Variants in SASS6 observed in about 807,000 individuals in gnomAD.
The protein encoded by SASS6 is spindle assembly abnormal protein 6 homolog.
A neutral mutation model predicts 94.9 loss-of-function variants in SASS6; 59 were observed. The observed-to-expected ratio is 0.62, with a 90% CI of 0.50 to 0.77. The LOEUF is 0.77. SASS6 is among the 30% of genes least tolerant of loss of function. SASS6 has a pLI of 0.00. For missense variants in SASS6, 698 were observed against 734.1 expected (o/e 0.95, Z 0.57); for synonymous variants, 264 against 270.0 (o/e 0.98, Z 0.22).
intron 1 of SASS6, among the ~76,000 whole-genome samples, chr1:100,129,443 T>C (rs1654851758): frequency 6.6e-6 from 1 of 152,172 alleles, no homozygotes; most frequent in Non-Finnish European, 1.5e-5. Context: ...ATATATCATC[T>C]TATTTAACAA....
At chr1:100,131,932 G>T (rs1434683962) in intron 1 of SASS6, among the ~76,000 whole-genome samples, 2 of 152,032 alleles carry the variant, frequency 1.3e-5, no homozygotes, top group Non-Finnish European at 2.9e-5. Flanking sequence ...TACAAATGAG[G>T]AAAGAACGTT....
intron 1 of SASS6, among the ~76,000 whole-genome samples, chr1:100,128,762 T>C (rs935557288): frequency 7.9e-5 from 12 of 152,244 alleles, no homozygotes; most frequent in African/African-American, 2.9e-4. Context: ...ACTAATGACA[T>C]TAGATTTAGT....
chr1:100,127,061 T>C (rs1423991835), intron 1 of SASS6, among the ~76,000 whole-genome samples: 1 of 152,132 alleles, frequency 6.6e-6, no homozygotes, highest in Non-Finnish European at 1.5e-5. Flanking sequence ...GAATCCAGAA[T>C]TGGACAGAGG....
At chr1:100,087,537 T>C (rs936157878) in intron 15 of SASS6, among the ~76,000 whole-genome samples, 1 of 152,138 alleles carries the variant, frequency 6.6e-6, no homozygotes, top group Admixed American at 6.6e-5. Context: ...AGTGGTTTGA[T>C]TTAACCACAA....
chr1:100,090,125 T>C, intron 14 of SASS6, among the ~76,000 whole-genome samples: 1 of 150,354 alleles, frequency 6.7e-6, no homozygotes, highest in East Asian at 2.0e-4. Context: ...AAAAATGAAA[T>C]AAAATGCACA....
chr1:100,112,709 T>A (rs566414172), intron 7 of SASS6, among the ~76,000 whole-genome samples: 1 of 152,332 alleles, frequency 6.6e-6, no homozygotes, highest in Admixed American at 6.5e-5. Flanking sequence ...GATTTCTATA[T>A]AGTCACAAAA....
chr1:100,097,008 G>T (rs996696734), intron 14 of SASS6, among the ~76,000 whole-genome samples: 1 of 152,092 alleles, frequency 6.6e-6, no homozygotes, highest in Non-Finnish European at 1.5e-5. Flanking sequence ...CCAGCTACTC[G>T]GGAGGCTGAG....
chr1:100,094,015 A>T (rs1004761913), intron 14 of SASS6, among the ~76,000 whole-genome samples: 1 of 152,188 alleles, frequency 6.6e-6, no homozygotes, highest in African/African-American at 2.4e-5. Flanking sequence ...TTGAAAAACC[A>T]ATGAAACCAT....
At chr1:100,085,853 G>C (rs1039334496) in intron 15 of SASS6, among the ~76,000 whole-genome samples, 1 of 152,046 alleles carries the variant, frequency 6.6e-6, no homozygotes, top group African/African-American at 2.4e-5. Flanking sequence ...TTTAAGAGCT[G>C]GGATAAGGAT....
At position 100,084,860 on chromosome 1, in the gene SASS6, T is replaced by C. The variant is rs754828030; in HGVS notation, c.*468A>G. The C allele has an allele frequency of 2.0e-5, 3 of 152,812 alleles. No homozygotes were observed. The highest frequency in any genetic ancestry group is 6.5e-5 in the Admixed American group (1 of 15,344). The allele number at this position is 152,812 out of a possible 1,614,324, so 9.5% of individuals were successfully genotyped here. A position where few individuals can be genotyped will look rare whatever the true frequency, so the allele number is the denominator to read the frequency against. On this transcript the variant is annotated 3_prime_UTR_variant, in exon 17 of 17. Transcript: ENST00000287482. ...TTCCCTTTAAATGTCATCAATAATA[T>C]ATCTCAAGAGGTAATCATTTTCCCT...
chr1:100,104,806 G>A (rs1202554512), intron 13 of SASS6, among the ~76,000 whole-genome samples: 1 of 151,114 alleles, frequency 6.6e-6, no homozygotes, highest in Non-Finnish European at 1.5e-5. Context: ...AAAAAAGCAG[G>A]GCTGGGCACA....
At chr1:100,108,211 T>A (rs1653058010) in intron 8 of SASS6, among the ~76,000 whole-genome samples, 1 of 152,142 alleles carries the variant, frequency 6.6e-6, no homozygotes, top group Non-Finnish European at 1.5e-5. Flanking sequence ...TTCTACTATC[T>A]GATTCAATCA....
At chr1:100,090,644 G>C (rs574836893) in intron 14 of SASS6, among the ~76,000 whole-genome samples, 112 of 152,214 alleles carry the variant, frequency 7.4e-4, no homozygotes, top group Non-Finnish European at 1.2e-3. Context: ...TCATTAACAG[G>C]GGAAACATCT....
At chr1:100,130,989 G>T (rs948435235) in intron 1 of SASS6, among the ~76,000 whole-genome samples, 1 of 152,172 alleles carries the variant, frequency 6.6e-6, no homozygotes, top group Non-Finnish European at 1.5e-5. Context: ...ATATATTAAA[G>T]GTTTCTAAGC....
At chr1:100,128,266 A>G (rs1338883265) in intron 1 of SASS6, among the ~76,000 whole-genome samples, 1 of 152,116 alleles carries the variant, frequency 6.6e-6, no homozygotes, top group Admixed American at 6.6e-5. Context: ...CAAACTCCTG[A>G]CCTCAAGTGA....
At chr1:100,093,179 T>C (rs71660918) in intron 14 of SASS6, among the ~76,000 whole-genome samples, 2,643 of 135,482 alleles carry the variant, frequency 0.02, 23 homozygotes, top group Non-Finnish European at 0.03. Context: ...GTTTTCTTTT[T>C]TTTTTTTTTT....
chr1:100,123,204 A>T lies in SASS6; in HGVS notation c.206+6T>A. The T allele has an allele frequency of 7.8e-7, 1 of 1,280,254 alleles. No homozygotes were observed. The highest frequency in any genetic ancestry group is 1.1e-6 in the Non-Finnish European group (1 of 894,544). The allele number at this position is 1,280,254 out of a possible 1,614,324, so 79.3% of individuals were successfully genotyped here. A position where few individuals can be genotyped will look rare whatever the true frequency, so the allele number is the denominator to read the frequency against. ...TAAATATAAGATCAGAAAAAAATTT[A>T]GTTACCTTTGAAAATCTTCCTCAGA... On this transcript the variant is annotated splice_donor_region_variant and intron_variant, in intron 3 of 16. Transcript: ENST00000287482.
At chr1:100,097,059 G>A (rs1570687540) in intron 14 of SASS6, among the ~76,000 whole-genome samples, 1 of 152,120 alleles carries the variant, frequency 6.6e-6, no homozygotes, top group Non-Finnish European at 1.5e-5. Flanking sequence ...AGGTTGTAGT[G>A]AGCTGAGATT....
chr1:100,132,728 C>T (rs753258797), intron 1 of SASS6, 22 bp downstream of exon 1: 2 of 1,604,306 alleles, frequency 1.2e-6, no homozygotes, highest in South Asian at 1.1e-5. Context: ...CACCCGCGGG[C>T]ACTGGATGAC....
Sources: gnomAD v4.1 joint callset for allele counts (sites outside exome capture counted in the v4.1 genomes callset) on GRCh38, gnomAD v4.1.1 for gene constraint, MANE v1.5 for transcripts, NCBI Gene and HGNC (gene_info 2026-07-23, HGNC 2026-07-21) for gene names.